The following SLC25A35 variants were observed in gnomAD, a reference collection of about 807,000 sequenced individuals.
SLC25A35 encodes solute carrier family 25 member 35.
SLC25A35 carries 32 observed loss-of-function variants against 30.5 expected under a neutral mutation model. The ratio of observed to expected loss-of-function variants is 1.05; its 90% CI spans 0.79 to 1.41. The LOEUF is 1.41. Among genes scored for constraint, SLC25A35 ranks in the 40% most tolerant of loss-of-function variants. The probability of loss-of-function intolerance (pLI) is 0.00; values close to 1 mark genes in which losing one functional copy is unlikely to be tolerated. For synonymous variants in SLC25A35, 142 were observed against 158.1 expected (o/e 0.90, Z 0.77); for missense variants, 369 against 388.0 (o/e 0.95, Z 0.41).
downstream of SLC25A35, chr17:8,289,208 CG>C: frequency 1.9e-6 from 3 of 1,607,236 alleles, no homozygotes; most frequent in Non-Finnish European, 2.6e-6. Flanking sequence ...AAGATGCTCC[CG>C]GGGAGGCGAC....
downstream of SLC25A35, chr17:8,289,708 G>T (rs1990329553): frequency 1.9e-6 from 3 of 1,613,164 alleles, no homozygotes; most frequent in African/African-American, 4.0e-5. Context: ...GTGGGCCAGA[G>T]GTTTGGGGTA....
At chr17:8,289,540 G>A (rs546562640), downstream of SLC25A35, 7 of 1,614,166 alleles carry the variant, frequency 4.3e-6, no homozygotes, top group African/African-American at 8.0e-5. Flanking sequence ...GCCTTGCTGA[G>A]GCTGCCCCAG....
downstream of SLC25A35, chr17:8,288,592 C>T (rs1280095519): frequency 9.1e-6 from 6 of 659,154 alleles, no homozygotes; most frequent in Non-Finnish European, 1.6e-5. Context: ...CGGAGCAAAG[C>T]CGCTGACCCC....
At chr17:8,291,727 G>A (rs1336452243) in intron 2 of SLC25A35, among the ~76,000 whole-genome samples, 2 of 152,302 alleles carry the variant, frequency 1.3e-5, no homozygotes, top group Non-Finnish European at 2.9e-5. Context: ...GAGAAACAGG[G>A]GCAGAAAATT....
intron 2 of SLC25A35, among the ~76,000 whole-genome samples, chr17:8,291,909 T>C (rs1473554781): frequency 6.6e-6 from 1 of 150,744 alleles, no homozygotes; most frequent in Non-Finnish European, 1.5e-5. Context: ...AATTGCCGGG[T>C]GCAGTGGCTC....
downstream of SLC25A35, chr17:8,288,728 A>T (rs1003532491): frequency 6.9e-6 from 11 of 1,584,484 alleles, no homozygotes; most frequent in Non-Finnish European, 6.9e-6. Context: ...AGCCGATGCC[A>T]CGTGACCCAA....
Position 8,290,443 on chromosome 17 carries a change from A to AT in SLC25A35, c.*61dup. The AT allele has an allele frequency of 6.6e-7, 1 of 1,518,424 alleles. No individual in the cohort carries two copies. The highest frequency in any genetic ancestry group is 8.8e-7 in the Non-Finnish European group (1 of 1,137,826). 94.1% of individuals were successfully genotyped at this position (1,518,424 alleles called of 1,614,324 possible). A position where few individuals can be genotyped will look rare whatever the true frequency, so the allele number is the denominator to read the frequency against. On this transcript the variant is annotated 3_prime_UTR_variant, in exon 5 of 5. Coordinates refer to ENST00000577745, the MANE Select transcript of SLC25A35 (RefSeq NM_001320870.2). ...TCACCTAATCAGTAGTCACCAGGAC[A>AT]TAGTGGTGGAGGCACAAGTGGCCAA...
chr17:8,289,908 A>C, downstream of SLC25A35: 1 of 1,614,088 alleles, frequency 6.2e-7, no homozygotes, highest in South Asian at 1.1e-5. Flanking sequence ...CTGACCCTTC[A>C]CGATCCTAAC....
In SLC25A35 at chr17:8,294,420, GC is replaced by G. The variant is rs778524180; in HGVS notation, c.375+12del. On this transcript the variant is annotated intron_variant, in intron 1 of 4. Coordinates refer to ENST00000577745, the MANE Select transcript of SLC25A35 (RefSeq NM_001320870.2). ...TCTGCCCTGAAGGTCCCAGGCAAGA[GC>G]CCTCTTCTTACCATGTAGATGGGGC... The G allele has an allele frequency of 4.4e-5, 68 of 1,552,514 alleles. No individual in the cohort carries two copies. Among genetic ancestry groups the G allele is most frequent in the Middle Eastern group, 4.7e-4 (2 of 4,220 alleles).
downstream of SLC25A35, chr17:8,288,824 C>A (rs1274686728): frequency 6.8e-6 from 11 of 1,614,078 alleles, no homozygotes; most frequent in Admixed American, 1.7e-5. Context: ...TGTTCGGGGG[C>A]GCCTTTTCCG....
At position 8,295,371 on chromosome 17, in the gene SLC25A35, C is replaced by A; in HGVS notation, c.-564G>T. ...AGTAGCTTCAACCCCGGGTAGCCTG[C>A]GGAGGCCGGGCCGCCACACTCCTGC... On this transcript the variant is annotated 5_prime_UTR_variant, in exon 1 of 5. Transcript: ENST00000577745. 1.0e-6 allele frequency: 1 copy of A among 985,610 alleles called. No individual in the cohort carries two copies. The highest frequency in any genetic ancestry group is 1.2e-6 in the Non-Finnish European group (1 of 830,066). 61.1% of individuals were successfully genotyped at this position (985,610 alleles called of 1,614,324 possible). A position where few individuals can be genotyped will look rare whatever the true frequency, so the allele number is the denominator to read the frequency against.
At chr17:8,294,410 C>A in intron 1 of SLC25A35, 23 bp downstream of exon 1, 1 of 1,537,518 alleles carries the variant, frequency 6.5e-7, no homozygotes. Context: ...CCTGAAGGTC[C>A]CAGGCAAGAG....
downstream of SLC25A35, chr17:8,289,718 A>C (rs1597442227): frequency 3.1e-6 from 5 of 1,613,704 alleles, no homozygotes; most frequent in South Asian, 5.5e-5. Flanking sequence ...GGTTTGGGGT[A>C]ACTGATACCC....
At position 8,290,073 on chromosome 17, in the gene SLC25A35, T is replaced by C. The variant is rs112723178; in HGVS notation, c.*432A>G. 1 of 1,549,414 alleles carries C rather than the reference T, an allele frequency of 6.5e-7. No individual in the cohort carries two copies. The highest frequency in any genetic ancestry group is 8.7e-7 in the Non-Finnish European group (1 of 1,147,094). On this transcript the variant is annotated 3_prime_UTR_variant, in exon 5 of 5. Transcript: ENST00000577745. ...AAGACAATCCCTCTTCAGAATAAAC[T>C]TGCTTTATAATCAATATAATCTCTG...
intron 2 of SLC25A35, 48 bp from the exon 3 acceptor site, chr17:8,291,533 G>A: frequency 3.9e-6 from 6 of 1,554,880 alleles, no homozygotes; most frequent in Non-Finnish European, 5.2e-6. Context: ...CCAGCATCAG[G>A]GGCTGCCATC....
chr17:8,293,527 A>C (rs1296059526), intron 1 of SLC25A35, among the ~76,000 whole-genome samples: 3 of 151,378 alleles, frequency 2.0e-5, no homozygotes, highest in African/African-American at 7.3e-5. Flanking sequence ...ACTGAAGCTC[A>C]ACAACTAGTA....
rs748717706 is a variant in SLC25A35, at chr17:8,290,999, C to T, written c.595-23G>A. The stretch of plus-strand genomic sequence containing the variant: ...GATCTAAGGGGGTAGAGAGGAAGAG[C>T]GTTGTCAACCAGCCAACTATTACAC... On this transcript the variant is annotated intron_variant, in intron 3 of 4. Transcript: ENST00000577745. The T allele has an allele frequency of 5.0e-6, 8 of 1,613,400 alleles. No homozygotes were observed. In the East Asian group the frequency reaches 6.7e-5, roughly 13 times the overall value.
rs1246491900 is a variant in SLC25A35, at chr17:8,294,557, T to C, written c.251A>G (p.Tyr84Cys). 2 of 1,614,004 alleles carry C rather than the reference T, an allele frequency of 1.2e-6. No homozygotes were observed. Among genetic ancestry groups the C allele is most frequent in the Admixed American group, 1.7e-5 (1 of 60,016 alleles). The change falls in exon 1 of 5, where the codon TAT (tyrosine) becomes TGT (cysteine). Residue 84 changes from tyrosine to cysteine, a missense_variant. Coordinates refer to ENST00000577745, the MANE Select transcript of SLC25A35 (RefSeq NM_001320870.2). ...FLMNGIRLGT[Y>C]GLAEAGGYLH... ...GTAGCCCCCAGCCTCAGCCAGCCCATAGGTGCCCAGTCGGATGCCATTCAT... is the reference window on the plus strand; with the variant it reads ...GTAGCCCCCAGCCTCAGCCAGCCCACAGGTGCCCAGTCGGATGCCATTCAT...
chr17:8,290,545 C>G lies in SLC25A35; in HGVS notation c.863G>C (p.Trp288Ser), dbSNP rs1267765282. The G allele has an allele frequency of 7.6e-5, 117 of 1,535,920 alleles. No individual in the cohort carries two copies. Among genetic ancestry groups the G allele is most frequent in the Non-Finnish European group, 9.6e-5 (110 of 1,146,880 alleles). The change falls in exon 5 of 5, where the codon TGG becomes TCG. Residue 288 changes from tryptophan (W) to serine (S), a missense_variant. Transcript: ENST00000577745. ...GTAGTAGAGGGAGCGCAGCTGGTCCCAGAAGAAGAGGGAGAGGATGGTGTG... is the reference window on the plus strand; with the variant it reads ...GTAGTAGAGGGAGCGCAGCTGGTCCGAGAAGAAGAGGGAGAGGATGGTGTG... ...GPHTILSLFFWDQLRSLYYTD... is the reference protein window; with the variant it reads ...GPHTILSLFFSDQLRSLYYTD...
Sources: allele counts gnomAD v4.1 joint callset (sites outside exome capture counted in the v4.1 genomes callset), GRCh38; gene constraint gnomAD v4.1.1; transcripts MANE v1.5; gene names NCBI Gene and HGNC (gene_info 2026-07-23, HGNC 2026-07-21).